The following MUC17 variants were observed in gnomAD, a reference collection of about 807,000 sequenced individuals.
MUC17 encodes mucin-17.
MUC17 carries 190 observed loss-of-function variants against 170.3 expected under a neutral mutation model. The observed-to-expected ratio is 1.12, with a 90% confidence interval of 0.99 to 1.26. The LOEUF is 1.26. MUC17 is among the 50% of genes most tolerant of loss of function. The pLI is 0.00. For synonymous variants in MUC17, 2,325 were observed against 2,002.5 expected, an observed-to-expected ratio of 1.16 and a Z score of -4.30; for missense variants, 6,415 against 5,530.0, an observed-to-expected ratio of 1.16 and a Z score of -5.08.
At chr7:101,044,575 A>T (rs927682745) in intron 3 of MUC17, among the ~76,000 whole-genome samples, 3 of 152,160 alleles carry the variant, frequency 2.0e-5, no homozygotes, top group African/African-American at 7.2e-5. Flanking sequence ...TTTTTTGAAC[A>T]AAGCATTACC....
In MUC17 at chr7:101,035,171, C is replaced by T; in HGVS notation, c.3755C>T (p.Thr1252Ile). 1.2e-6 allele frequency: 2 copies of T among 1,610,734 alleles called. No individual in the cohort carries two copies. Among genetic ancestry groups the T allele is most frequent in the African/African-American group, 1.3e-5 (1 of 74,762 alleles). Residue 1252 changes from threonine to isoleucine, a missense_variant, in exon 3 of 13, where the codon ACT (threonine) becomes ATT (isoleucine). Physicochemically the swap from Thr to Ile is moderately conservative, Grantham distance 89. Coordinates refer to ENST00000306151, the MANE Select transcript of MUC17 (RefSeq NM_001040105.2). The part of the protein sequence containing the change: ...SPVDTSTPVT[T>I]SAETSSSPTT... ...GTTGACACCAGCACACCTGTGACCA[C>T]TTCTGCTGAAACCAGTTCCTCTCCT...
rs762862312 is a variant in MUC17 at position 101,042,647 on chromosome 7, C to T, written c.11231C>T (p.Ser3744Phe). 19 of 1,613,952 alleles carry T rather than the reference C, an allele frequency of 1.2e-5. No individual in the cohort carries two copies. In the African/African-American group the frequency reaches 1.6e-4, roughly 14 times the overall value. ...SSATLDSTTM[S>F]VSMPMEISTL... ...GCAACTCTTGACAGCACCACCATGT[C>T]TGTGTCAATGCCCATGGAAATAAGC... Residue 3744 changes from serine (S) to phenylalanine (F), a missense_variant, in exon 3 of 13, where the codon TCT becomes TTT. Physicochemically the swap from Ser to Phe is radical, Grantham distance 155. Coordinates refer to ENST00000306151, the MANE Select transcript of MUC17 (RefSeq NM_001040105.2).
At chr7:101,049,283 G>A (rs772692974) in intron 5 of MUC17, 41 bp from the exon 6 acceptor site, 15 of 1,613,712 alleles carry the variant, frequency 9.3e-6, no homozygotes, top group African/African-American at 8.0e-5. Context: ...GAACGGCCCC[G>A]TGGTCCCTCT....
At chr7:101,029,323 T>C (rs1794236226) in intron 1 of MUC17, among the ~76,000 whole-genome samples, 1 of 151,884 alleles carries the variant, frequency 6.6e-6, no homozygotes, top group Admixed American at 6.6e-5. Context: ...GCCACTGCAC[T>C]CCAGCCTGGG....
At position 101,058,061 on chromosome 7, in the gene MUC17, G is replaced by T; in HGVS notation, c.*17G>T. The stretch of plus-strand genomic sequence containing the variant: ...TCATTTTAAGGCATGGAGCTGAGAA[G>T]TCTGGGAGTGAGGAGATCCCAGTCC... On this transcript the variant is annotated 3_prime_UTR_variant, in exon 13 of 13. Transcript: ENST00000306151. The T allele has an allele frequency of 6.2e-7, 1 of 1,612,826 alleles. No individual in the cohort carries two copies.
At position 101,037,938 on chromosome 7, in the gene MUC17, C is replaced by T. The variant is rs377045493; in HGVS notation, c.6522C>T (p.Ala2174=). The part of the protein sequence containing the change: ...TSMPVSTTVV[A]SSAISTLSTT... ...TGCCTGTCAGCACCACAGTGGTGGC[C>T]AGTTCTGCAATCAGCACCCTTTCAA... Residue 2174 remains alanine (A), a synonymous_variant, in exon 3 of 13, where the codon GCC becomes GCT. Coordinates refer to ENST00000306151, the MANE Select transcript of MUC17 (RefSeq NM_001040105.2). 8.1e-6 allele frequency: 13 copies of T among 1,612,076 alleles called. No homozygotes were observed. In the African/African-American group the frequency reaches 1.3e-4, roughly 17 times the overall value.
In MUC17 at chr7:101,042,511, A is replaced by G; in HGVS notation, c.11095A>G (p.Met3699Val). The G allele has an allele frequency of 6.2e-7, 1 of 1,613,882 alleles. No homozygotes were observed. The highest frequency in any genetic ancestry group is 8.5e-7 in the Non-Finnish European group (1 of 1,179,952). The stretch of plus-strand genomic sequence containing the variant: ...TGAAGGAAGCACTCCATTAACAACT[A>G]TGCCTGTCAGCACCACACGTGTGAC... ...PSEGSTPLTTMPVSTTRVTSS... is the reference protein window; with the variant it reads ...PSEGSTPLTTVPVSTTRVTSS... The change falls in exon 3 of 13, where the codon ATG becomes GTG. Residue 3699 changes from methionine (M) to valine (V), a missense_variant. Transcript: ENST00000306151.
At position 101,035,804 on chromosome 7, in the gene MUC17, G is replaced by A. The variant is rs1410434104; in HGVS notation, c.4388G>A (p.Ser1463Asn). ...GKTPLKSIPV[S>N]NTPVANSEAS... Reference sequence around the variant, plus strand: ...ACTCCATTAAAAAGTATACCTGTCAGCAACACGCCGGTGGCCAATTCTGAG... The same window carrying A: ...ACTCCATTAAAAAGTATACCTGTCAACAACACGCCGGTGGCCAATTCTGAG... Residue 1463 changes from serine to asparagine, a missense_variant, in exon 3 of 13, where the codon AGC becomes AAC. Coordinates refer to ENST00000306151, the MANE Select transcript of MUC17 (RefSeq NM_001040105.2). The A allele has an allele frequency of 6.2e-7, 1 of 1,604,580 alleles. No individual in the cohort carries two copies. Among genetic ancestry groups the A allele is most frequent in the African/African-American group, 1.3e-5 (1 of 74,658 alleles).
intron 6 of MUC17, among the ~76,000 whole-genome samples, chr7:101,049,898 A>C (rs1794906463): frequency 3.3e-5 from 5 of 152,194 alleles, no homozygotes; most frequent in African/African-American, 1.2e-4. Flanking sequence ...TGGGAGGCCG[A>C]GGTGGAAGGA....
chr7:101,042,136 G>A lies in MUC17; in HGVS notation c.10720G>A (p.Gly3574Arg). 6.2e-7 allele frequency: 1 copy of A among 1,614,162 alleles called. No individual in the cohort carries two copies. Among genetic ancestry groups the A allele is most frequent in the Non-Finnish European group, 8.5e-7 (1 of 1,180,022 alleles). ...TTMRMSTPSE[G>R]SSSLTTMLLS... ...TATGCGTATGTCTACTCCAAGTGAA[G>A]GAAGCTCTTCATTAACAACTATGCT... Residue 3574 changes from glycine (G) to arginine (R), a missense_variant, in exon 3 of 13, where the codon GGA (glycine) becomes AGA (arginine). Transcript: ENST00000306151.
Position 101,043,586 on chromosome 7 carries a change from T to C in MUC17, c.12170T>C (p.Ile4057Thr), listed in dbSNP as rs1165240664. The C allele has an allele frequency of 1.9e-6, 3 of 1,613,990 alleles. No individual in the cohort carries two copies. Among genetic ancestry groups the C allele is most frequent in the Non-Finnish European group, 2.5e-6 (3 of 1,180,016 alleles). The change falls in exon 3 of 13, where the codon ATT (isoleucine) becomes ACT (threonine). Residue 4057 changes from isoleucine to threonine, a missense_variant. Ile to Thr is a moderately conservative substitution (Grantham distance 89, BLOSUM62 -1). Coordinates refer to ENST00000306151, the MANE Select transcript of MUC17 (RefSeq NM_001040105.2). Reference protein sequence around the residue: ...PSSESSRPSTITSHTIPPTFP... With the variant: ...PSSESSRPSTTTSHTIPPTFP... ...TCAGAATCCAGCAGGCCGTCAACAA[T>C]TACTTCTCACACCATCCCACCTACA...
At position 101,033,607 on chromosome 7, in the gene MUC17, A is replaced by G. The variant is rs754064926; in HGVS notation, c.2191A>G (p.Thr731Ala). 2.5e-6 allele frequency: 4 copies of G among 1,612,926 alleles called. No individual in the cohort carries two copies. The South Asian group carries it at 4.4e-5, about 18-fold the overall frequency. ...AACTGAAGCCAGTTCCTCTCCTACA[A>G]CTGCTGATGGTGCCAGTATGCCAAC... Reference protein sequence around the residue: ...TSTEASSSPTTADGASMPTST... With the variant: ...TSTEASSSPTAADGASMPTST... Residue 731 changes from threonine to alanine, a missense_variant, in exon 3 of 13, where the codon ACT becomes GCT. Coordinates refer to ENST00000306151, the MANE Select transcript of MUC17 (RefSeq NM_001040105.2).
At chr7:101,020,324 G>A in intron 1 of MUC17, 107 bp downstream of exon 1, 1 of 876,366 alleles carries the variant, frequency 1.1e-6, no homozygotes, top group South Asian at 1.9e-5. Context: ...ACCAATAGGG[G>A]TGTGCCCTCT....
Position 101,037,411 on chromosome 7 carries a change from A to C in MUC17, c.5995A>C (p.Ser1999Arg), listed in dbSNP as rs1001189465. 1 of 1,612,716 alleles carries C rather than the reference A, an allele frequency of 6.2e-7. No homozygotes were observed. The highest frequency in any genetic ancestry group is 8.5e-7 in the Non-Finnish European group (1 of 1,179,050). Residue 1999 changes from serine (S) to arginine (R), a missense_variant, in exon 3 of 13, where the codon AGT becomes CGT. Ser to Arg is a moderately radical substitution (Grantham distance 110, BLOSUM62 -1). Coordinates refer to ENST00000306151, the MANE Select transcript of MUC17 (RefSeq NM_001040105.2). Reference protein sequence around the residue: ...SMPLSTTLVVSSEASTLSTTP... With the variant: ...SMPLSTTLVVRSEASTLSTTP... The stretch of plus-strand genomic sequence containing the variant: ...GCCTCTCAGCACCACGCTGGTGGTC[A>C]GTTCTGAGGCTAGCACTCTTTCCAC...
intron 1 of MUC17, among the ~76,000 whole-genome samples, chr7:101,028,561 A>G (rs1794222840): frequency 1.3e-5 from 2 of 151,768 alleles, no homozygotes; most frequent in Non-Finnish European, 2.9e-5. Flanking sequence ...CTATTGGATT[A>G]TTGCACATAT....
chr7:101,022,670 A>C (rs2116385363), intron 1 of MUC17, among the ~76,000 whole-genome samples: 1 of 152,190 alleles, frequency 6.6e-6, no homozygotes. Flanking sequence ...ACAATAAATT[A>C]GCTGGAAATG....
At chr7:101,027,030 A>G (rs1794192887) in intron 1 of MUC17, among the ~76,000 whole-genome samples, 1 of 151,502 alleles carries the variant, frequency 6.6e-6, no homozygotes, top group Non-Finnish European at 1.5e-5. Context: ...TTATTTTTTC[A>G]TTATTGAAAG....
chr7:101,023,832 T>C (rs1329781581), intron 1 of MUC17, among the ~76,000 whole-genome samples: 1 of 152,248 alleles, frequency 6.6e-6, no homozygotes, highest in African/African-American at 2.4e-5. Flanking sequence ...ACTGATTTAC[T>C]TCCTGTCAGC....
intron 1 of MUC17, among the ~76,000 whole-genome samples, chr7:101,028,234 G>T (rs1794215927): frequency 6.6e-6 from 1 of 151,548 alleles, no homozygotes; most frequent in African/African-American, 2.4e-5. Flanking sequence ...GGGACTACAG[G>T]TGTATGCCAT....
Sources: allele counts gnomAD v4.1 joint callset (sites outside exome capture counted in the v4.1 genomes callset), GRCh38; gene constraint gnomAD v4.1.1; transcripts MANE v1.5; gene names NCBI Gene and HGNC (gene_info 2026-07-23, HGNC 2026-07-21).